Variants in ZNF254 observed in about 807,000 individuals in gnomAD.
ZNF254 encodes zinc finger protein 254, also known as CTD-2017D11.1.
Under a neutral mutation model 12.4 loss-of-function variants are expected in ZNF254, and 10 were observed. The ratio of observed to expected loss-of-function variants is 0.80; its 90% CI spans 0.50 to 1.36. The LOEUF (loss-of-function observed/expected upper bound fraction) is 1.36, where lower values mean the gene tolerates loss of function less well. Ranked by LOEUF, ZNF254 falls within the 40% of genes most tolerant of loss-of-function variation. The probability of loss-of-function intolerance (pLI) is 0.00; values close to 1 mark genes in which losing one functional copy is unlikely to be tolerated. For missense variants in ZNF254, 996 were observed against 763.9 expected (o/e 1.30, Z -3.58); for synonymous variants, 305 against 253.4 (o/e 1.20, Z -1.93).
Position 24,126,600 on chromosome 19 carries a change from C to T in ZNF254, c.600C>T (p.His200=), listed in dbSNP as rs767646518. Residue 200 remains histidine, a synonymous_variant, in exon 4 of 4, where the codon CAC becomes CAT. Transcript: ENST00000357002. ...LFCMLSHKTQ[H]KSIYHREKSY... is the part of the protein sequence containing the mutation. ...GCATGCTTTCACATAAAACCCAACACAAAAGCATTTATCATAGAGAGAAGT... is the reference window on the plus strand; with the variant it reads ...GCATGCTTTCACATAAAACCCAACATAAAAGCATTTATCATAGAGAGAAGT... The T allele has an allele frequency of 3.1e-6, 5 of 1,603,834 alleles. No homozygotes were observed. The highest frequency in any genetic ancestry group is 1.7e-4 in the Middle Eastern group (1 of 5,990).
In ZNF254 at chr19:24,126,389, A is replaced by G. The variant is rs757972217; in HGVS notation, c.389A>G (p.Asp130Gly). 1 of 1,610,644 alleles carries G rather than the reference A, an allele frequency of 6.2e-7. No individual in the cohort carries two copies. The highest frequency in any genetic ancestry group is 1.1e-5 in the South Asian group (1 of 90,336). Residue 130 changes from aspartate (D) to glycine (G), a missense_variant, in exon 4 of 4, where the codon GAT becomes GGT. Asp to Gly is a moderately conservative substitution (Grantham distance 94). Coordinates refer to ENST00000357002, the MANE Select transcript of ZNF254 (RefSeq NM_203282.4). ...TTAAGAAAAGGCTGTAAAAGTGTGG[A>G]TGAGTATAAGGTGAACAAAGAAGGT... ...LQLRKGCKSV[D>G]EYKVNKEGYN...
chr19:24,045,298 CTTT>C (rs1038508899), intron 1 of ZNF254, among the ~76,000 whole-genome samples: 1 of 152,094 alleles, frequency 6.6e-6, no homozygotes, highest in African/African-American at 2.4e-5. Context: ...AACCATTTAT[CTTT>C]TTAACTTTTT....
At chr19:24,069,378 G>T (rs1971396319) in intron 2 of ZNF254, among the ~76,000 whole-genome samples, 1 of 144,818 alleles carries the variant, frequency 6.9e-6, no homozygotes, top group African/African-American at 2.5e-5. Context: ...GGAGGCCGAG[G>T]CAGGTGGATC....
intron 2 of ZNF254, among the ~76,000 whole-genome samples, chr19:24,062,114 A>AAAAG (rs1971099818): frequency 6.6e-6 from 1 of 151,746 alleles, no homozygotes; most frequent in Non-Finnish European, 1.5e-5. Flanking sequence ...AAAAAGAAAA[A>AAAAG]GGAGTAAAAT....
chr19:24,112,126 A>G (rs2145861035), intron 3 of ZNF254, among the ~76,000 whole-genome samples: 1 of 142,434 alleles, frequency 7.0e-6, no homozygotes, highest in Non-Finnish European at 1.5e-5. Context: ...TGATTTTTGT[A>G]CAAGGTGTAA....
chr19:24,104,578 T>C (rs1973222470), intron 1 of ZNF254: 1 of 152,188 alleles, frequency 6.6e-6, no homozygotes, highest in African/African-American at 2.4e-5. Context: ...TAACTACTTT[T>C]AAAAATGCTT....
chr19:24,120,498 AGAG>A (rs1974403651), intron 3 of ZNF254, among the ~76,000 whole-genome samples: 1 of 152,130 alleles, frequency 6.6e-6, no homozygotes, highest in Non-Finnish European at 1.5e-5. Flanking sequence ...ATTCTACAGA[AGAG>A]CTTTAAGGGT....
rs546146327 is a variant in ZNF254, at chr19:24,099,030, C to T, written c.31-6910C>T. The T allele has an allele frequency of 3.3e-5, 4 of 122,038 alleles. No individual in the cohort carries two copies. In the South Asian group the frequency reaches 1.1e-3, roughly 32 times the overall value. 7.6% of individuals were successfully genotyped at this position (122,038 alleles called of 1,614,324 possible). Reference sequence around the variant, plus strand: ...TTTTTTTTTTTTGAGACAGTCTTGCCCTGTCTCCCAGGCTGGAGTGCAGTG... The same window carrying T: ...TTTTTTTTTTTTGAGACAGTCTTGCTCTGTCTCCCAGGCTGGAGTGCAGTG... On this transcript the variant is annotated intron_variant, in intron 1 of 3. Transcript: ENST00000357002.
chr19:24,117,362 C>G (rs550410253), intron 3 of ZNF254, among the ~76,000 whole-genome samples: 12 of 152,142 alleles, frequency 7.9e-5, no homozygotes, highest in Admixed American at 3.3e-4. Flanking sequence ...TTGAGCTTCC[C>G]GGCTGCTTTG....
rs56230904 is a variant in ZNF254, at chr19:24,042,326, T to G, written c.-189-3858T>G. On this transcript the variant is annotated intron_variant, in intron 1 of 4. Transcript: ENST00000613065. ...AACAGGCCACTCGGCTCTACCAATC[T>G]GCAGGATGTGGGTGGGGCCAGATAA... is the stretch of plus-strand genomic sequence containing the variant. 9.2e-5 allele frequency among the ~76,000 whole-genome samples: 14 copies of G among 152,168 alleles called. No individual in the cohort carries two copies. In the East Asian group the frequency reaches 2.7e-3, roughly 29 times the overall value.
intron 1 of ZNF254, among the ~76,000 whole-genome samples, chr19:24,043,543 T>C (rs1970258222): frequency 6.6e-6 from 1 of 152,202 alleles, no homozygotes; most frequent in African/African-American, 2.4e-5. Context: ...ATTACAGGCA[T>C]GAGCCACTGT....
rs1176557404 is a variant in ZNF254, at chr19:24,128,801, AAAT to A, written c.*826_*828del. ...ACTAAATCAGAGTGCTGAGTATAGA[AAAT>A]AATACAAACAGATTTGTCTAAACAT... On this transcript the variant is annotated 3_prime_UTR_variant, in exon 4 of 4. Transcript: ENST00000357002. The A allele has an allele frequency of 1.3e-5, 2 of 152,102 alleles. No homozygotes were observed. The highest frequency in any genetic ancestry group is 2.9e-5 in the Non-Finnish European group (2 of 67,946). 9.4% of individuals were successfully genotyped at this position (152,102 alleles called of 1,614,324 possible).
In ZNF254 at chr19:24,123,627, TAC is replaced by T. The variant is rs576576277; in HGVS notation, c.254-2613_254-2612del. 2.1e-3 allele frequency among the ~76,000 whole-genome samples: 323 copies of T among 151,558 alleles called. 1 individual carries two copies. Among genetic ancestry groups the T allele is most frequent in the Non-Finnish European group, 3.4e-3 (229 of 67,800 alleles). On this transcript the variant is annotated intron_variant, in intron 3 of 3. Coordinates refer to ENST00000357002, the MANE Select transcript of ZNF254 (RefSeq NM_203282.4). ...ACACCTGCGTGCGTGCACAAACACA[TAC>T]ACACACACACACAAATATACACAAA...
intron 2 of ZNF254, among the ~76,000 whole-genome samples, chr19:24,071,027 C>CT (rs967284097): frequency 6.6e-5 from 10 of 151,554 alleles, no homozygotes; most frequent in Middle Eastern, 3.4e-3. Context: ...TTACTCTCCA[C>CT]TTTTTTTTTC....
rs1975095969 is a variant in ZNF254, at chr19:24,129,369, T to C, written c.*1389T>C. 1 of 152,048 alleles carries C rather than the reference T, an allele frequency of 6.6e-6. No individual in the cohort carries two copies. Among genetic ancestry groups the C allele is most frequent in the Admixed American group, 6.6e-5 (1 of 15,252 alleles). The allele number at this position is 152,048 out of a possible 1,614,324, so 9.4% of individuals were successfully genotyped here. A position where few individuals can be genotyped will look rare whatever the true frequency, so the allele number is the denominator to read the frequency against. ...TATTGTGAATTCAATGAAGTGTTCT[T>C]ATGCCACTAACTTTAACCTATTCCC... is the stretch of plus-strand genomic sequence containing the variant. On this transcript the variant is annotated 3_prime_UTR_variant, in exon 4 of 4. Coordinates refer to ENST00000357002, the MANE Select transcript of ZNF254 (RefSeq NM_203282.4).
At chr19:24,111,164 C>G (rs961158961) in intron 3 of ZNF254, among the ~76,000 whole-genome samples, 4 of 137,138 alleles carry the variant, frequency 2.9e-5, no homozygotes, top group Non-Finnish European at 4.5e-5. Flanking sequence ...CATGTGTTCT[C>G]ATTGTTCAAT....
At chr19:24,068,886 C>A (rs146755893) in intron 2 of ZNF254, among the ~76,000 whole-genome samples, 119 of 152,284 alleles carry the variant, frequency 7.8e-4, no homozygotes, top group African/African-American at 2.7e-3. Flanking sequence ...CAAACATAAT[C>A]CTTAGTCTCC....
chr19:24,111,525 C>T (rs1436706796), intron 3 of ZNF254, among the ~76,000 whole-genome samples: 1 of 152,200 alleles, frequency 6.6e-6, no homozygotes, highest in Non-Finnish European at 1.5e-5. Context: ...GAGGAATCGC[C>T]ACACTGACTT....
intron 3 of ZNF254, among the ~76,000 whole-genome samples, chr19:24,108,138 C>A (rs1018665136): frequency 1.3e-5 from 2 of 152,066 alleles, no homozygotes; most frequent in African/African-American, 2.4e-5. Flanking sequence ...TAGGCAAAAC[C>A]GGCCATGAAC....
Sources: allele counts gnomAD v4.1 joint callset (sites outside exome capture counted in the v4.1 genomes callset), GRCh38; gene constraint gnomAD v4.1.1; transcripts MANE v1.5; gene names NCBI Gene and HGNC (gene_info 2026-07-23, HGNC 2026-07-21).